SRGAP3: variants seen among roughly 807,000 people sequenced by gnomAD.
SRGAP3 encodes the protein SLIT-ROBO Rho GTPase activating protein 3.
A neutral mutation model predicts 121.1 loss-of-function variants in SRGAP3; 39 were observed. That is an observed-to-expected ratio of 0.32 (90% confidence interval 0.25 to 0.42). The LOEUF (loss-of-function observed/expected upper bound fraction) is 0.42, where lower values mean the gene tolerates loss of function less well. Ranked by LOEUF, SRGAP3 falls within the 10% of genes least tolerant of loss-of-function variation. The pLI is 1.00. For synonymous variants in SRGAP3, 601 were observed against 570.0 expected, an observed-to-expected ratio of 1.05 and a Z score of -0.77; for missense variants, 1,213 against 1,470.6, an observed-to-expected ratio of 0.82 and a Z score of 2.86.
chr3:9,274,711 A>C (rs1457402924), intron 3 of SRGAP3, among the ~76,000 whole-genome samples: 1 of 152,222 alleles, frequency 6.6e-6, no homozygotes, highest in East Asian at 1.9e-4. Context: ...TTTATTGCTG[A>C]TGAAAGTGGC....
intron 1 of SRGAP3, chr3:9,362,697 A>G (rs1333701988): frequency 6.6e-6 from 1 of 152,182 alleles, no homozygotes; most frequent in Non-Finnish European, 1.5e-5. Flanking sequence ...AACTAGTGGC[A>G]TGACATTTTG....
chr3:9,290,777 TC>T (rs1223448347), intron 3 of SRGAP3, among the ~76,000 whole-genome samples: 1 of 152,038 alleles, frequency 6.6e-6, no homozygotes, highest in Non-Finnish European at 1.5e-5. Flanking sequence ...CACACTAAAC[TC>T]CCAGAGCCGT....
In SRGAP3 at chr3:9,190,380, G is replaced by A. The variant is rs542423185; in HGVS notation, c.67+58505C>T. ...CAATTCAGCAGGACTCAGGTAGGAC[G>A]CTGAGCTCTTGGCATGAACAGATAG... On this transcript the variant is annotated intron_variant, in intron 1 of 21. Transcript: ENST00000383836. 2.0e-4 allele frequency among the ~76,000 whole-genome samples: 31 copies of A among 152,344 alleles called. No individual in the cohort carries two copies. In the Middle Eastern group the frequency reaches 0.01, roughly 50 times the overall value.
At chr3:8,996,230 T>A (rs935870330) in intron 18 of SRGAP3, among the ~76,000 whole-genome samples, 1 of 152,246 alleles carries the variant, frequency 6.6e-6, no homozygotes, top group Non-Finnish European at 1.5e-5. Context: ...CTATAAGAGT[T>A]ACACACATGT....
At chr3:9,144,620 AG>A (rs1195711706) in intron 1 of SRGAP3, among the ~76,000 whole-genome samples, 2 of 152,142 alleles carry the variant, frequency 1.3e-5, no homozygotes, top group Non-Finnish European at 2.9e-5. Flanking sequence ...TGGGTTTATC[AG>A]GGTTTTCTGC....
intron 3 of SRGAP3, among the ~76,000 whole-genome samples, chr3:9,081,982 T>C (rs1575044867): frequency 6.6e-6 from 1 of 152,214 alleles, no homozygotes; most frequent in African/African-American, 2.4e-5. Context: ...GTGCCTGATA[T>C]GGTTTGAACC....
upstream of SRGAP3, among the ~76,000 whole-genome samples, chr3:9,254,478 A>G (rs1352841021): frequency 2.0e-5 from 3 of 152,182 alleles, no homozygotes; most frequent in Non-Finnish European, 4.4e-5. Context: ...AATAGGAAGT[A>G]CCAAGTTTCT....
intron 1 of SRGAP3, chr3:9,217,951 C>G (rs1452204297): frequency 1.3e-5 from 2 of 152,184 alleles, no homozygotes; most frequent in Non-Finnish European, 2.9e-5. Flanking sequence ...CCATCCGCAG[C>G]AGGGGGTACA....
intron 9 of SRGAP3, 104 bp downstream of exon 9, chr3:9,052,923 G>A: frequency 1.5e-6 from 2 of 1,348,694 alleles, no homozygotes; most frequent in South Asian, 1.2e-5. Flanking sequence ...AGATCCAATT[G>A]ACCCATGTGG....
At chr3:9,087,443 G>C (rs1360491051) in intron 3 of SRGAP3, among the ~76,000 whole-genome samples, 3 of 152,164 alleles carry the variant, frequency 2.0e-5, no homozygotes, top group African/African-American at 7.2e-5. Context: ...CTGGGGTAGA[G>C]TCAAGAACAC....
intron 3 of SRGAP3, among the ~76,000 whole-genome samples, chr3:9,268,300 C>T (rs1010236805): frequency 1.6e-5 from 2 of 125,630 alleles, no homozygotes; most frequent in Non-Finnish European, 3.5e-5. Flanking sequence ...AGAAGAGTCT[C>T]TCTCTCTCTC....
chr3:9,330,298 A>G (rs1955584951), intron 2 of SRGAP3, among the ~76,000 whole-genome samples: 1 of 152,198 alleles, frequency 6.6e-6, no homozygotes, highest in Non-Finnish European at 1.5e-5. Context: ...CAGATATGAG[A>G]GTCCTCTAAC....
intron 1 of SRGAP3, among the ~76,000 whole-genome samples, chr3:9,159,304 T>G (rs1361762962): frequency 6.6e-6 from 1 of 152,146 alleles, no homozygotes; most frequent in Non-Finnish European, 1.5e-5. Flanking sequence ...TCACATCTGC[T>G]GACTGTCCTG....
intron 3 of SRGAP3, among the ~76,000 whole-genome samples, chr3:9,314,809 T>C (rs1459972967): frequency 1.3e-5 from 2 of 152,132 alleles, no homozygotes; most frequent in Non-Finnish European, 2.9e-5. Flanking sequence ...GAAACCAGCA[T>C]AGGGATTCTC....
At chr3:9,122,039 T>C (rs1949025563) in intron 2 of SRGAP3, among the ~76,000 whole-genome samples, 1 of 152,188 alleles carries the variant, frequency 6.6e-6, no homozygotes, top group Non-Finnish European at 1.5e-5. Flanking sequence ...TCTTTCCAAT[T>C]GCGGGTTCAC....
At chr3:9,079,943 C>T (rs1947161675) in intron 4 of SRGAP3, 82 bp downstream of exon 4, 1 of 1,501,150 alleles carries the variant, frequency 6.7e-7, no homozygotes, top group Admixed American at 1.8e-5. Flanking sequence ...TCATTCCAGA[C>T]CTCTGTTTTG....
rs71049786 is a variant in SRGAP3 at position 9,291,602 on chromosome 3, C to CCA, written n.442+34406_442+34407dup. 9.1e-3 allele frequency among the ~76,000 whole-genome samples: 1,331 copies of CCA among 147,014 alleles called. 9 individuals carry two copies. The highest frequency in any genetic ancestry group is 0.021 in the Middle Eastern group (6 of 284). The stretch of plus-strand genomic sequence containing the variant: ...AAATGCATCCATTCATGCATCAACA[C>CCA]CACACACACACACACACACACACAC... On this transcript the variant is annotated intron_variant and non_coding_transcript_variant, in intron 3 of 3. Coordinates refer to the SRGAP3 transcript ENST00000490889.
At chr3:9,177,966 C>T (rs565901532) in intron 1 of SRGAP3, among the ~76,000 whole-genome samples, 11 of 152,220 alleles carry the variant, frequency 7.2e-5, no homozygotes, top group Admixed American at 4.6e-4. Context: ...GGTTGATATG[C>T]CTGAAGAAGG....
rs1941677639 is a variant in SRGAP3, at chr3:8,985,936, G to C, written c.2887-4C>G. ...TGCTCATGGTCTTCTCGATGTCCTG[G>C]GGACAGAGGGAGCTGGGGTCAGCAC... On this transcript the variant is annotated splice_region_variant and splice_polypyrimidine_tract_variant and intron_variant, in intron 21 of 21. Transcript: ENST00000383836. This position sits in a 1 kb window ranked among gnomAD's most constrained non-coding sequence, Gnocchi z 5.1. 6.3e-7 allele frequency: 1 copy of C among 1,599,514 alleles called. No homozygotes were observed. The highest frequency in any genetic ancestry group is 1.1e-5 in the South Asian group (1 of 91,076).
Sources: gnomAD v4.1 joint callset for allele counts (sites outside exome capture counted in the v4.1 genomes callset) on GRCh38, gnomAD v4.1.1 for gene constraint, Gnocchi (gnomAD v3.1) non-coding constraint, MANE v1.5 for transcripts, NCBI Gene and HGNC (gene_info 2026-07-23, HGNC 2026-07-21) for gene names.